Variants in DNAH9 observed in about 807,000 individuals in gnomAD.
DNAH9 encodes the protein DNAH9 variant protein.
DNAH9 carries 345 observed loss-of-function variants against 471.6 expected under a neutral mutation model. The observed-to-expected ratio is 0.73, with a 90% CI of 0.67 to 0.80. DNAH9 has a LOEUF of 0.80. Among genes scored for constraint, DNAH9 ranks in the 30% least tolerant of loss-of-function variants. The probability of loss-of-function intolerance (pLI) is 0.00; values close to 1 mark genes in which losing one functional copy is unlikely to be tolerated. For missense variants in DNAH9, 5,407 were observed against 5,609.2 expected (o/e 0.96, Z 1.15); for synonymous variants, 2,093 against 2,123.6 (o/e 0.99, Z 0.40).
chr17:11,967,623 A>C (rs1033880118), intron 68 of DNAH9, among the ~76,000 whole-genome samples: 2 of 152,226 alleles, frequency 1.3e-5, no homozygotes, highest in Admixed American at 6.5e-5. Context: ...TACAATTTTA[A>C]AAAGGCAGAG....
chr17:11,862,635 A>G (rs1971902015), intron 50 of DNAH9, among the ~76,000 whole-genome samples: 1 of 152,118 alleles, frequency 6.6e-6, no homozygotes, highest in African/African-American at 2.4e-5. Context: ...CACGATATTA[A>G]TTCTTCCTAC....
rs778221643 is a variant in DNAH9, at chr17:11,608,220, A to C, written c.509A>C (p.Gln170Pro). The C allele has an allele frequency of 6.2e-7, 1 of 1,614,096 alleles. No individual in the cohort carries two copies. Among genetic ancestry groups the C allele is most frequent in the Non-Finnish European group, 8.5e-7 (1 of 1,179,930 alleles). ...GTCAGGCGGCACGCCCACAGCCTCC[A>C]ATGTGACCTCTCAGTTATACTTGAG... Reference protein sequence around the residue: ...EDVRRHAHSLQCDLSVILEQV... With the variant: ...EDVRRHAHSLPCDLSVILEQV... Residue 170 changes from glutamine to proline, a missense_variant, in exon 2 of 69, where the codon CAA becomes CCA. Coordinates refer to ENST00000262442, the MANE Select transcript of DNAH9 (RefSeq NM_001372.4).
intron 49 of DNAH9, among the ~76,000 whole-genome samples, chr17:11,839,540 C>G (rs1044526906): frequency 2.0e-5 from 3 of 151,532 alleles, no homozygotes; most frequent in Admixed American, 2.0e-4. Context: ...GAAAATAACT[C>G]AAATAGTATA....
intron 1 of DNAH9, among the ~76,000 whole-genome samples, chr17:11,601,705 C>A (rs1233614973): frequency 6.6e-6 from 1 of 152,084 alleles, no homozygotes; most frequent in Non-Finnish European, 1.5e-5. Context: ...TAAGACCCTC[C>A]TTCTGGCCCA....
intron 17 of DNAH9, among the ~76,000 whole-genome samples, chr17:11,676,275 C>CTTTTTTTTTTTTTTTTTT (rs67397847): frequency 4.1e-5 from 3 of 73,880 alleles, no homozygotes; most frequent in African/African-American, 9.6e-5. Flanking sequence ...CATTTCTGTT[C>CTTTTTTTTTTTTTTTTTT]TTTTTTTTTT....
rs757862804 is a variant in DNAH9 at position 11,598,895 on chromosome 17, C to G, written c.397C>G (p.Leu133Val). Residue 133 changes from leucine to valine, a missense_variant, in exon 1 of 69, where the codon CTA becomes GTA. Physicochemically the swap from Leu to Val is conservative, Grantham distance 32. Transcript: ENST00000262442. ...CCTGCCCGCGGCACCTCTGGAGCAC[C>G]TAGCCGCGCTGTTCTCGGAGGTGAG... ...GDLPAAPLEH[L>V]AALFSEVVLP... is the part of the protein sequence containing the mutation. 2 of 1,537,126 alleles carry G rather than the reference C, an allele frequency of 1.3e-6. No individual in the cohort carries two copies. Among genetic ancestry groups the G allele is most frequent in the South Asian group, 1.2e-5 (1 of 84,718 alleles).
At chr17:11,929,785 G>T in intron 62 of DNAH9, 81 bp from the exon 63 acceptor site, 1 of 1,195,608 alleles carries the variant, frequency 8.4e-7, no homozygotes, top group Non-Finnish European at 1.2e-6. Context: ...CCCCCCTCTG[G>T]CTGCCTTCCT....
chr17:11,845,832 T>A (rs11078039), intron 49 of DNAH9, among the ~76,000 whole-genome samples: 14 of 121,620 alleles, frequency 1.2e-4, no homozygotes, highest in Non-Finnish European at 1.7e-4. Flanking sequence ...TCATGTCCTT[T>A]GCCCACTTTT....
chr17:11,720,260 T>TA (rs2075031125), intron 27 of DNAH9, among the ~76,000 whole-genome samples: 3 of 152,168 alleles, frequency 2.0e-5, no homozygotes, highest in African/African-American at 7.2e-5. Flanking sequence ...TTTCTTTTTT[T>TA]AATTATACTT....
chr17:11,688,860 G>C (rs972424153), intron 19 of DNAH9, among the ~76,000 whole-genome samples: 1 of 152,080 alleles, frequency 6.6e-6, no homozygotes, highest in African/African-American at 2.4e-5. Context: ...CACTTTTGGA[G>C]GCCAAGGCGG....
chr17:11,881,736 A>T (rs1204356255), intron 55 of DNAH9, among the ~76,000 whole-genome samples: 2 of 152,008 alleles, frequency 1.3e-5, no homozygotes, highest in Non-Finnish European at 2.9e-5. Flanking sequence ...GTGAAACCCC[A>T]TCTCTACTAA....
intron 48 of DNAH9, among the ~76,000 whole-genome samples, chr17:11,831,541 C>A (rs1452960253): frequency 6.6e-6 from 1 of 152,032 alleles, no homozygotes; most frequent in Non-Finnish European, 1.5e-5. Context: ...TTTGGAGGGT[C>A]AAATATCCAG....
intron 27 of DNAH9, among the ~76,000 whole-genome samples, chr17:11,722,731 AT>A (rs2075083063): frequency 6.6e-6 from 1 of 152,134 alleles, no homozygotes; most frequent in Non-Finnish European, 1.5e-5. Flanking sequence ...AGGTAAAGTT[AT>A]TGCTTTACTC....
intron 33 of DNAH9, among the ~76,000 whole-genome samples, chr17:11,753,722 G>A (rs1230948627): frequency 1.3e-5 from 2 of 152,314 alleles, no homozygotes; most frequent in East Asian, 1.9e-4. Context: ...TGTTTAGAGA[G>A]CATGTCCAGA....
intron 6 of DNAH9, among the ~76,000 whole-genome samples, chr17:11,628,580 G>T (rs1449139086): frequency 6.6e-6 from 1 of 152,204 alleles, no homozygotes; most frequent in Non-Finnish European, 1.5e-5. Context: ...CCCAGCGAGG[G>T]CGCCCTGCAG....
intron 50 of DNAH9, among the ~76,000 whole-genome samples, chr17:11,861,969 T>G (rs113177094): frequency 8.0e-5 from 12 of 150,728 alleles, no homozygotes; most frequent in South Asian, 2.1e-4. Context: ...CATTTTGTGG[T>G]TTGCCTGTTC....
At chr17:11,872,045 G>A (rs1215530475) in intron 52 of DNAH9, among the ~76,000 whole-genome samples, 1 of 152,082 alleles carries the variant, frequency 6.6e-6, no homozygotes, top group Admixed American at 6.6e-5. Flanking sequence ...CTTCCCCGCG[G>A]GCTGTCTCCT....
At position 11,694,346 on chromosome 17, in the gene DNAH9, G is replaced by T. The variant is rs778956653; in HGVS notation, c.4771G>T (p.Ala1591Ser). 2.7e-5 allele frequency: 44 copies of T among 1,613,750 alleles called. No homozygotes were observed. The Middle Eastern group carries it at 2.0e-3, about 72-fold the overall frequency. The part of the protein sequence containing the change: ...GRLCLCEKAL[A>S]EYLDTKRLAF... Reference sequence around the variant, plus strand: ...ATTGTGCCTGTGTGAGAAGGCCCTGGCAGAGTACCTCGACACCAAGAGGCT... The same window carrying T: ...ATTGTGCCTGTGTGAGAAGGCCCTGTCAGAGTACCTCGACACCAAGAGGCT... Residue 1591 changes from alanine to serine, a missense_variant, in exon 22 of 69, where the codon GCA becomes TCA. This residue lies in a region of DNAH9 where 4,636 missense variants were observed against 4,900.3 expected (regional missense o/e 0.95). Coordinates refer to ENST00000262442, the MANE Select transcript of DNAH9 (RefSeq NM_001372.4).
At chr17:11,762,613 C>T (rs1967725929) in intron 35 of DNAH9, among the ~76,000 whole-genome samples, 1 of 151,954 alleles carries the variant, frequency 6.6e-6, no homozygotes, top group Admixed American at 6.6e-5. Context: ...ATAAAATAAC[C>T]ATCTGTCCTG....
Sources: allele counts gnomAD v4.1 joint callset (sites outside exome capture counted in the v4.1 genomes callset), GRCh38; gene constraint gnomAD v4.1.1; regional missense constraint gnomAD v4.1.1; transcripts MANE v1.5; gene names NCBI Gene and HGNC (gene_info 2026-07-23, HGNC 2026-07-21).